The following ROBO1 variants were observed in gnomAD, a reference collection of about 807,000 sequenced individuals.
ROBO1 encodes roundabout guidance receptor 1, also known as roundabout homolog 1.
A neutral mutation model predicts 195.9 loss-of-function variants in ROBO1; 149 were observed. That is an observed-to-expected ratio of 0.76 (90% CI 0.67 to 0.87). The LOEUF is 0.87. ROBO1 is among the 40% of genes least tolerant of loss of function. ROBO1 has a pLI of 0.00. For missense variants in ROBO1, 1,933 were observed against 2,068.3 expected (o/e 0.93, Z 1.27); for synonymous variants, 816 against 733.2 (o/e 1.11, Z -1.82).
At chr3:78,883,521 A>G (rs979115047) in intron 4 of ROBO1, among the ~76,000 whole-genome samples, 9 of 152,078 alleles carry the variant, frequency 5.9e-5, no homozygotes, top group Admixed American at 2.0e-4. Context: ...AGCTGGGACT[A>G]CAGGTGCATA....
rs987591089 is a variant in ROBO1, at chr3:79,563,482, C to T, written c.88+26342G>A. 4.6e-5 allele frequency among the ~76,000 whole-genome samples: 7 copies of T among 151,930 alleles called. No homozygotes were observed. In the East Asian group the frequency reaches 1.3e-3, roughly 29 times the overall value. Reference sequence around the variant, plus strand: ...TTTATGCCACATGGCTTTTTACTATCTTCATTCAAAAAATAGCTATGTTTG... The same window carrying T: ...TTTATGCCACATGGCTTTTTACTATTTTCATTCAAAAAATAGCTATGTTTG... On this transcript the variant is annotated intron_variant, in intron 2 of 30. Coordinates refer to ENST00000464233, the MANE Select transcript of ROBO1 (RefSeq NM_002941.4).
chr3:79,636,251 C>A (rs1300217676), intron 1 of ROBO1, among the ~76,000 whole-genome samples: 1 of 152,088 alleles, frequency 6.6e-6, no homozygotes, highest in Non-Finnish European at 1.5e-5. Context: ...CTGTCAAATT[C>A]ATTGTCTTGT....
Position 78,638,219 on chromosome 3 carries a change from T to G in ROBO1, c.3037+1525A>C, listed in dbSNP as rs531609102. 2.3e-5 allele frequency among the ~76,000 whole-genome samples: 3 copies of G among 132,890 alleles called. No homozygotes were observed. The South Asian group carries it at 6.6e-4, about 29-fold the overall frequency. The allele number at this position is 132,890 out of a possible 152,430, so 87.2% of individuals were successfully genotyped here. On this transcript the variant is annotated intron_variant, in intron 22 of 30. Transcript: ENST00000464233. ...TGTGTATGTGTGTATATATATACAC[T>G]TATATACATATATGTATGTGTGTAT...
At chr3:79,484,755 C>CTTTATTTTTTTTTTTTTTTT (rs1939062013) in intron 2 of ROBO1, among the ~76,000 whole-genome samples, 1 of 66,884 alleles carries the variant, frequency 1.5e-5, no homozygotes, top group Non-Finnish European at 2.7e-5. Flanking sequence ...ATTGCACTAT[C>CTTTATTTTTTTTTTTTTTTT]TTTTTTTTTT....
intron 2 of ROBO1, among the ~76,000 whole-genome samples, chr3:79,571,657 TA>T (rs71127394): frequency 0.23 from 35,104 of 152,014 alleles, 4,430 homozygotes; most frequent in African/African-American, 0.33. Context: ...TAAAGTGATG[TA>T]AAATACTTCC....
intron 2 of ROBO1, among the ~76,000 whole-genome samples, chr3:79,418,725 C>T (rs1281816412): frequency 6.6e-6 from 1 of 152,138 alleles, no homozygotes; most frequent in Admixed American, 6.6e-5. Context: ...AATTGGAACA[C>T]TGTGTTGAGT....
At position 79,253,191 on chromosome 3, in the gene ROBO1, T is replaced by C. The variant is rs113987868; in HGVS notation, c.89-127652A>G. ...AAATTGCTTGATGAAATTCCCTAAA[T>C]GTTTTAATAATCCGTGTTAGTGTCG... On this transcript the variant is annotated intron_variant, in intron 2 of 30. Transcript: ENST00000464233. Among the ~76,000 whole-genome samples, 128 of 152,330 alleles carry C rather than the reference T, an allele frequency of 8.4e-4. 1 individual carries two copies. The highest frequency in any genetic ancestry group is 3.0e-3 in the African/African-American group (123 of 41,576).
chr3:79,093,420 T>C (rs913561923), intron 3 of ROBO1, among the ~76,000 whole-genome samples: 13 of 152,154 alleles, frequency 8.5e-5, no homozygotes, highest in African/African-American at 3.1e-4. Flanking sequence ...TATTAGGGCT[T>C]GTCAATAAGC....
At chr3:78,834,731 C>T (rs1308464222) in intron 4 of ROBO1, among the ~76,000 whole-genome samples, 1 of 151,986 alleles carries the variant, frequency 6.6e-6, no homozygotes, top group African/African-American at 2.4e-5. Flanking sequence ...ACCAAGCTGA[C>T]CTGAGGGGTT....
chr3:79,136,661 T>C (rs1236642171), intron 2 of ROBO1, among the ~76,000 whole-genome samples: 1 of 152,144 alleles, frequency 6.6e-6, no homozygotes. Context: ...CCCCTATATT[T>C]GTGAAGCTTT....
intron 2 of ROBO1, among the ~76,000 whole-genome samples, chr3:79,323,142 C>T (rs1279868791): frequency 6.6e-6 from 1 of 151,050 alleles, no homozygotes; most frequent in Non-Finnish European, 1.5e-5. Flanking sequence ...AGTGCAGTGG[C>T]ACGATCGCAG....
At chr3:79,047,765 T>C (rs2078622220) in intron 3 of ROBO1, among the ~76,000 whole-genome samples, 1 of 152,072 alleles carries the variant, frequency 6.6e-6, no homozygotes, top group Admixed American at 6.6e-5. Flanking sequence ...TCCCGAAACC[T>C]TGAGCACATG....
At chr3:79,636,571 A>C (rs1478806832) in intron 1 of ROBO1, among the ~76,000 whole-genome samples, 1 of 152,100 alleles carries the variant, frequency 6.6e-6, no homozygotes, top group Admixed American at 6.5e-5. Flanking sequence ...ACCCCTCACC[A>C]TTCCTTTACT....
intron 1 of ROBO1, among the ~76,000 whole-genome samples, chr3:79,715,315 A>G (rs945204314): frequency 2.0e-5 from 3 of 152,124 alleles, no homozygotes; most frequent in Admixed American, 2.0e-4. Flanking sequence ...TTTTTGTGAA[A>G]GGAAGAGCCA....
intron 4 of ROBO1, among the ~76,000 whole-genome samples, chr3:78,762,103 G>A (rs1394205720): frequency 6.6e-6 from 1 of 151,926 alleles, no homozygotes; most frequent in Non-Finnish European, 1.5e-5. Context: ...TGGAAAAAAT[G>A]ATAAAATGTT....
chr3:79,465,361 A>G (rs1005183646), intron 2 of ROBO1, among the ~76,000 whole-genome samples: 2 of 152,082 alleles, frequency 1.3e-5, no homozygotes, highest in African/African-American at 4.8e-5. Context: ...ATCTCTTCCA[A>G]TTTAATTTTC....
chr3:78,933,952 C>T (rs934988575), intron 4 of ROBO1, among the ~76,000 whole-genome samples: 15 of 151,822 alleles, frequency 9.9e-5, no homozygotes, highest in African/African-American at 3.6e-4. Flanking sequence ...ATATTGTTTA[C>T]TTAATCAGAA....
rs1030818543 is a variant in ROBO1, at chr3:78,598,471, T to C, written c.*442A>G. On this transcript the variant is annotated 3_prime_UTR_variant, in exon 31 of 31. Transcript: ENST00000464233. Reference sequence around the variant, plus strand: ...TTTAATTTGCATTAGCAGTTGGCTATAGAAAGATTATACTTTGAGAGCCCT... The same window carrying C: ...TTTAATTTGCATTAGCAGTTGGCTACAGAAAGATTATACTTTGAGAGCCCT... 5 of 154,122 alleles carry C rather than the reference T, an allele frequency of 3.2e-5. No homozygotes were observed. The highest frequency in any genetic ancestry group is 1.2e-4 in the African/African-American group (5 of 41,478). The allele number at this position is 154,122 out of a possible 1,614,324, so 9.5% of individuals were successfully genotyped here. A position where few individuals can be genotyped will look rare whatever the true frequency, so the allele number is the denominator to read the frequency against.
At chr3:79,158,989 T>A (rs574469071) in intron 2 of ROBO1, among the ~76,000 whole-genome samples, 5 of 152,064 alleles carry the variant, frequency 3.3e-5, no homozygotes, top group African/African-American at 1.2e-4. Context: ...GATAAGATAT[T>A]AATGCATGAC....
Sources: gnomAD v4.1 joint callset for allele counts (sites outside exome capture counted in the v4.1 genomes callset) on GRCh38, gnomAD v4.1.1 for gene constraint, MANE v1.5 for transcripts, NCBI Gene and HGNC (gene_info 2026-07-23, HGNC 2026-07-21) for gene names.